The following NRXN1 variants were observed in gnomAD, a reference collection of about 807,000 sequenced individuals.
The protein encoded by NRXN1 is neurexin-1.
NRXN1 carries 39 observed loss-of-function variants against 150.9 expected under a neutral mutation model. The observed-to-expected ratio is 0.26, with a 90% CI of 0.20 to 0.34. NRXN1 has a LOEUF of 0.34. NRXN1 is among the 10% of genes least tolerant of loss of function. The pLI, the probability that NRXN1 is intolerant of heterozygous loss-of-function variation, is 1.00. For synonymous variants in NRXN1, 924 were observed against 757.0 expected (o/e 1.22, Z -3.62); for missense variants, 1,815 against 1,949.9 (o/e 0.93, Z 1.30).
chr2:50,168,019 C>A (rs2059791626), intron 18 of NRXN1, among the ~76,000 whole-genome samples: 1 of 148,650 alleles, frequency 6.7e-6, no homozygotes, highest in South Asian at 2.2e-4. Context: ...TCAAGGTTTG[C>A]ATTTTTCCAA....
At chr2:50,091,592 C>T in intron 18 of NRXN1, 98 bp from the exon 19 acceptor site, 1 of 1,257,970 alleles carries the variant, frequency 7.9e-7, no homozygotes, top group Non-Finnish European at 1.1e-6. Context: ...GTGCTTTGGA[C>T]AACAGCTGCT....
intron 5 of NRXN1, among the ~76,000 whole-genome samples, chr2:50,698,984 T>C (rs1025135849): frequency 6.6e-6 from 1 of 152,162 alleles, no homozygotes; most frequent in Admixed American, 6.6e-5. Flanking sequence ...GAACCTATAC[T>C]ACCAATTGAC....
chr2:50,275,256 C>T (rs1309453894), intron 17 of NRXN1, among the ~76,000 whole-genome samples: 5 of 152,006 alleles, frequency 3.3e-5, no homozygotes, highest in African/African-American at 9.7e-5. Flanking sequence ...CTTGCCCAGG[C>T]CTTGTGTTAT....
At chr2:50,379,898 AC>A (rs2080826528) in intron 17 of NRXN1, among the ~76,000 whole-genome samples, 1 of 152,132 alleles carries the variant, frequency 6.6e-6, no homozygotes, top group Non-Finnish European at 1.5e-5. Flanking sequence ...TTATAGCCTA[AC>A]CCTTTGAGAA....
chr2:50,541,391 C>G (rs1289436427), intron 9 of NRXN1, among the ~76,000 whole-genome samples: 1 of 152,112 alleles, frequency 6.6e-6, no homozygotes, highest in African/African-American at 2.4e-5. Flanking sequence ...CCTTGGTGCA[C>G]TGTGTCTGCA....
chr2:50,589,894 T>G (rs1673839419), intron 8 of NRXN1, among the ~76,000 whole-genome samples: 1 of 152,180 alleles, frequency 6.6e-6, no homozygotes, highest in Non-Finnish European at 1.5e-5. Context: ...GCACCCTCAT[T>G]AGACTGTAAG....
chr2:50,012,334 T>A (rs1181693216), intron 21 of NRXN1, among the ~76,000 whole-genome samples: 1 of 152,160 alleles, frequency 6.6e-6, no homozygotes, highest in Non-Finnish European at 1.5e-5. Flanking sequence ...TTAAATCTGA[T>A]ATTTGTAGTA....
chr2:50,156,288 T>G (rs895062213), intron 18 of NRXN1, among the ~76,000 whole-genome samples: 1 of 151,888 alleles, frequency 6.6e-6, no homozygotes, highest in East Asian at 1.9e-4. Flanking sequence ...TAAGTCTTTT[T>G]AGAGGCCCCA....
intron 18 of NRXN1, among the ~76,000 whole-genome samples, chr2:50,193,100 A>G (rs4971658): frequency 0.22 from 33,430 of 152,102 alleles, 4,318 homozygotes; most frequent in East Asian, 0.41. Flanking sequence ...GCACAATAGT[A>G]TTGCATTCCT....
intron 2 of NRXN1, among the ~76,000 whole-genome samples, chr2:50,977,604 T>A (rs1409444351): frequency 6.6e-6 from 1 of 151,844 alleles, no homozygotes; most frequent in East Asian, 1.9e-4. Flanking sequence ...TATTACACAG[T>A]TTGAAAGTAA....
intron 17 of NRXN1, among the ~76,000 whole-genome samples, chr2:50,357,098 G>A (rs1414741056): frequency 6.6e-6 from 1 of 151,876 alleles, no homozygotes; most frequent in Admixed American, 6.6e-5. Flanking sequence ...GCAACATAAG[G>A]AGACCCCATC....
rs1357165194 is a variant in NRXN1, at chr2:50,713,721, TTAACA to T, written c.833-90111_833-90107del. 2.6e-5 allele frequency among the ~76,000 whole-genome samples: 4 copies of T among 152,186 alleles called. No individual in the cohort carries two copies. The East Asian group carries it at 7.7e-4, about 29-fold the overall frequency. The stretch of plus-strand genomic sequence containing the variant: ...AACAGATAAATTATTACATCATTAA[TTAACA>T]GTGGTATTTACCAAAACACATAACA... On this transcript the variant is annotated intron_variant, in intron 5 of 22. Transcript: ENST00000401669.
intron 18 of NRXN1, among the ~76,000 whole-genome samples, chr2:50,094,996 G>C (rs1444537660): frequency 6.6e-6 from 1 of 152,172 alleles, no homozygotes; most frequent in Non-Finnish European, 1.5e-5. Flanking sequence ...TACTAGCCAA[G>C]TAAGGTCATT....
At chr2:50,568,011 G>T (rs1670126096) in intron 8 of NRXN1, among the ~76,000 whole-genome samples, 1 of 152,024 alleles carries the variant, frequency 6.6e-6, no homozygotes, top group Admixed American at 6.6e-5. Flanking sequence ...CCATTTTTCA[G>T]AAGAAACTGA....
At chr2:50,514,019 A>G (rs1319682978) in intron 12 of NRXN1, among the ~76,000 whole-genome samples, 1 of 152,198 alleles carries the variant, frequency 6.6e-6, no homozygotes, top group Non-Finnish European at 1.5e-5. Flanking sequence ...ACTCTGGTAC[A>G]GTGCAAACCA....
chr2:50,371,163 A>T (rs932647912), intron 17 of NRXN1, among the ~76,000 whole-genome samples: 8 of 151,972 alleles, frequency 5.3e-5, no homozygotes, highest in African/African-American at 1.7e-4. Context: ...CTGGTGCCCA[A>T]TTGTCTTTTA....
At chr2:51,015,897 C>T (rs957368757) in intron 2 of NRXN1, among the ~76,000 whole-genome samples, 11 of 151,814 alleles carry the variant, frequency 7.2e-5, no homozygotes, top group African/African-American at 2.4e-4. Context: ...GGAACCAAAA[C>T]AGAGCCCGTA....
At chr2:50,733,824 C>G (rs1384274388) in intron 5 of NRXN1, among the ~76,000 whole-genome samples, 1 of 152,110 alleles carries the variant, frequency 6.6e-6, no homozygotes, top group African/African-American at 2.4e-5. Flanking sequence ...TTGAACTTAA[C>G]TAGCAAAGAT....
chr2:50,951,997 C>T (rs1410813484), intron 2 of NRXN1, among the ~76,000 whole-genome samples: 3 of 115,402 alleles, frequency 2.6e-5, no homozygotes, highest in African/African-American at 6.9e-5. Context: ...GACGGAGTCT[C>T]GCTCTGTCGC....
Sources: gnomAD v4.1 joint callset for allele counts (sites outside exome capture counted in the v4.1 genomes callset) on GRCh38, gnomAD v4.1.1 for gene constraint, MANE v1.5 for transcripts, NCBI Gene and HGNC (gene_info 2026-07-23, HGNC 2026-07-21) for gene names.